PHF2: variants seen among roughly 807,000 people sequenced by gnomAD.
PHF2 encodes PHD finger protein 2, also known as lysine-specific demethylase PHF2.
Under a neutral mutation model 120.5 loss-of-function variants are expected in PHF2, and 27 were observed. The ratio of observed to expected loss-of-function variants is 0.22; its 90% CI spans 0.17 to 0.31. The LOEUF (loss-of-function observed/expected upper bound fraction) is 0.31. Ranked by LOEUF, PHF2 falls within the 10% of genes least tolerant of loss-of-function variation. The pLI is 1.00. For synonymous variants in PHF2, 568 were observed against 592.5 expected, an observed-to-expected ratio of 0.96 and a Z score of 0.60; for missense variants, 1,024 against 1,434.8, an observed-to-expected ratio of 0.71 and a Z score of 4.63.
At chr9:93,663,480 T>G in intron 13 of PHF2, 37 bp from the exon 14 acceptor site, 3 of 1,296,688 alleles carry the variant, frequency 2.3e-6, no homozygotes, top group Non-Finnish European at 3.3e-6. Context: ...CCCACTTCTG[T>G]GTGGGGCTCA....
At chr9:93,593,105 A>AAAAAAAAAAAAGG (rs1554790887) in intron 1 of PHF2, among the ~76,000 whole-genome samples, 2 of 122,714 alleles carry the variant, frequency 1.6e-5, no homozygotes, top group Non-Finnish European at 3.3e-5. Context: ...AAAAAAAAAA[A>AAAAAAAAAAAAGG]AAAAAAGAAA....
chr9:93,637,656 A>G (rs80032681), intron 3 of PHF2, among the ~76,000 whole-genome samples: 3,064 of 152,354 alleles, frequency 0.02, 72 homozygotes, highest in East Asian at 0.1. Flanking sequence ...ATTTCATCGT[A>G]TAGATATCCA....
chr9:93,672,271 T>G (rs1826812793), intron 17 of PHF2: 1 of 165,232 alleles, frequency 6.1e-6, no homozygotes, highest in African/African-American at 2.6e-5. Flanking sequence ...CAGGTGTGGG[T>G]GTGGATGTAG....
At chr9:93,664,076 G>T (rs1409995446) in intron 14 of PHF2, among the ~76,000 whole-genome samples, 3 of 152,208 alleles carry the variant, frequency 2.0e-5, no homozygotes, top group Non-Finnish European at 4.4e-5. Context: ...GAGGGAGGCC[G>T]TGGGACTCCA....
intron 17 of PHF2, among the ~76,000 whole-genome samples, chr9:93,671,403 TGTG>T (rs1311873694): frequency 9.0e-5 from 11 of 121,820 alleles, no homozygotes; most frequent in Middle Eastern, 0.011. Flanking sequence ...TAGATGCAGA[TGTG>T]GGTGTGGATG....
intron 7 of PHF2, among the ~76,000 whole-genome samples, chr9:93,655,634 C>CCTGT (rs1364441135): frequency 6.6e-6 from 1 of 152,358 alleles, no homozygotes; most frequent in African/African-American, 2.4e-5. Context: ...CCTCGGTTTC[C>CCTGT]CTGTCTGTGC....
At chr9:93,666,183 C>A in intron 16 of PHF2, 123 bp downstream of exon 16, 1 of 825,758 alleles carries the variant, frequency 1.2e-6, no homozygotes, top group Non-Finnish European at 1.9e-6. Flanking sequence ...GCAAAGGGGC[C>A]CCTTACCCTC....
chr9:93,673,660 C>T lies in PHF2; in HGVS notation c.2424C>T (p.Asp808=), dbSNP rs1357329552. Residue 808 remains aspartate, a synonymous_variant, in exon 18 of 22, where the codon GAC becomes GAT. Transcript: ENST00000359246. ...CCATGGCCAACCTGCAGGCCTCCGA[C>T]TCCTGCCTGCAGACCACGTGGGGAG... ...MLSMANLQAS[D]SCLQTTWGAG... is the part of the protein sequence containing the mutation. 3.1e-6 allele frequency: 5 copies of T among 1,611,150 alleles called. No homozygotes were observed. Among genetic ancestry groups the T allele is most frequent in the Non-Finnish European group, 4.2e-6 (5 of 1,178,422 alleles).
Position 93,656,123 on chromosome 9 carries a change from G to C in PHF2, c.1040+102G>C. 1.1e-6 allele frequency: 1 copy of C among 899,012 alleles called. No homozygotes were observed. The allele number at this position is 899,012 out of a possible 1,614,324, so 55.7% of individuals were successfully genotyped here. On this transcript the variant is annotated intron_variant, in intron 8 of 21. Transcript: ENST00000359246. The surrounding 1 kb of genome is among the most constrained non-coding windows in gnomAD (Gnocchi z 4.1). Reference sequence around the variant, plus strand: ...CTTGGGCTGAGTCCTGGCACAGCCCGCCTGTGGGTGGCCTGGACATGACCG... The same window carrying C: ...CTTGGGCTGAGTCCTGGCACAGCCCCCCTGTGGGTGGCCTGGACATGACCG...
chr9:93,658,045 A>G, intron 9 of PHF2, 100 bp from the exon 10 acceptor site: 1 of 745,302 alleles, frequency 1.3e-6, no homozygotes, highest in South Asian at 1.7e-5. Flanking sequence ...GACCTCTGGA[A>G]GGCTGGACCT....
chr9:93,672,624 G>A (rs1234271014), intron 17 of PHF2: 1 of 984,928 alleles, frequency 1.0e-6, no homozygotes, highest in African/African-American at 1.8e-5. Context: ...GTAGGCACAG[G>A]TGTAGATGCA....
At chr9:93,580,045 G>C (rs1437463221) in intron 1 of PHF2, among the ~76,000 whole-genome samples, 1 of 152,240 alleles carries the variant, frequency 6.6e-6, no homozygotes, top group Non-Finnish European at 1.5e-5. Flanking sequence ...TTCACTGGAG[G>C]GGAAGTGTGG....
rs367592156 is a variant in PHF2 at position 93,676,845 on chromosome 9, C to T, written c.3084C>T (p.Ala1028=). ...SSSLADHEYT[A]AGTFTGAQAG... ...GCCTGGCGGACCATGAGTACACAGC[C>T]GCTGGCACCTTCACCGGGGCCCAGG... Residue 1028 remains alanine, a synonymous_variant, in exon 21 of 22, where the codon GCC becomes GCT. Coordinates refer to ENST00000359246, the MANE Select transcript of PHF2 (RefSeq NM_005392.4). The T allele has an allele frequency of 9.0e-5, 140 of 1,561,718 alleles. No individual in the cohort carries two copies. The highest frequency in any genetic ancestry group is 1.1e-4 in the African/African-American group (8 of 73,832).
At chr9:93,633,049 G>A (rs1160269386) in intron 2 of PHF2, among the ~76,000 whole-genome samples, 1 of 152,198 alleles carries the variant, frequency 6.6e-6, no homozygotes, top group Non-Finnish European at 1.5e-5. Context: ...CTAAGCCAGT[G>A]CTGGGAACCT....
intron 1 of PHF2, among the ~76,000 whole-genome samples, chr9:93,604,274 C>T (rs1825497678): frequency 6.6e-6 from 1 of 150,798 alleles, no homozygotes; most frequent in Non-Finnish European, 1.5e-5. Context: ...TGGGAGGAGC[C>T]CTGGAGGAGG....
intron 1 of PHF2, among the ~76,000 whole-genome samples, chr9:93,581,712 C>T (rs946546312): frequency 1.3e-5 from 2 of 152,156 alleles, no homozygotes; most frequent in Admixed American, 6.5e-5. Flanking sequence ...CTGCAGCCCA[C>T]GTTTGTTTGG....
chr9:93,659,391 C>T, intron 10 of PHF2, 120 bp from the exon 11 acceptor site: 4 of 754,176 alleles, frequency 5.3e-6, no homozygotes, highest in South Asian at 5.0e-5. Context: ...GGCTCGGAAG[C>T]CCCTCGCCTC....
At chr9:93,676,013 G>A (rs998126579) in intron 20 of PHF2, among the ~76,000 whole-genome samples, 1 of 152,214 alleles carries the variant, frequency 6.6e-6, no homozygotes, top group African/African-American at 2.4e-5. Context: ...CTGGGGCCCT[G>A]ACACTGGACA....
chr9:93,640,904 C>T (rs749949694), intron 3 of PHF2, among the ~76,000 whole-genome samples: 11 of 152,174 alleles, frequency 7.2e-5, no homozygotes, highest in Non-Finnish European at 1.3e-4. Flanking sequence ...CCAGAGATGT[C>T]AGCTTCTTCT....
Sources: allele counts gnomAD v4.1 joint callset (sites outside exome capture counted in the v4.1 genomes callset), GRCh38; gene constraint gnomAD v4.1.1; non-coding constraint Gnocchi (gnomAD v3.1); transcripts MANE v1.5; gene names NCBI Gene and HGNC (gene_info 2026-07-23, HGNC 2026-07-21).